Variants in DPYD observed in about 807,000 individuals in gnomAD.
DPYD encodes dihydropyrimidine dehydrogenase [NADP(+)].
In DPYD, 109 loss-of-function variants were observed where a neutral mutation model predicts 116.2. That is an observed-to-expected ratio of 0.94 (90% CI 0.80 to 1.10). The LOEUF (loss-of-function observed/expected upper bound fraction) is 1.10, where lower values mean the gene tolerates loss of function less well. Among genes scored for constraint, DPYD ranks in the 50% least tolerant of loss-of-function variants. The probability of loss-of-function intolerance (pLI) is 0.00; values close to 1 mark genes in which losing one functional copy is unlikely to be tolerated. For missense variants in DPYD, 1,302 were observed against 1,254.5 expected, an observed-to-expected ratio of 1.04 and a Z score of -0.57; for synonymous variants, 440 against 432.0, an observed-to-expected ratio of 1.02 and a Z score of -0.23.
At chr1:97,642,624 C>T (rs1308052878) in intron 8 of DPYD, among the ~76,000 whole-genome samples, 13 of 150,334 alleles carry the variant, frequency 8.6e-5, no homozygotes, top group Non-Finnish European at 7.4e-5. Context: ...AGTAAACTAT[C>T]GCAAGAACAA....
Position 97,098,540 on chromosome 1 carries a change from T to C in DPYD, c.2715A>G (p.Ser905=). Residue 905 remains serine (S), a synonymous_variant, in exon 21 of 23, where the codon TCA becomes TCG. Coordinates refer to ENST00000370192, the MANE Select transcript of DPYD (RefSeq NM_000110.4). The part of the protein sequence containing the change: ...IRLKEQNVAF[S]PLKRNCFIPK... ...GGATAAAACAGTTTCTCTTAAGTGG[T>C]GAAAAAGCTACATTTTGTTCTTTCA... The C allele has an allele frequency of 1.2e-6, 2 of 1,613,218 alleles. No individual in the cohort carries two copies. Among genetic ancestry groups the C allele is most frequent in the Non-Finnish European group, 1.7e-6 (2 of 1,179,496 alleles).
At chr1:97,761,581 G>A (rs1665577891) in intron 3 of DPYD, among the ~76,000 whole-genome samples, 1 of 152,136 alleles carries the variant, frequency 6.6e-6, no homozygotes, top group Non-Finnish European at 1.5e-5. Flanking sequence ...TGCTGGGAGT[G>A]TAAATTGTTC....
intron 11 of DPYD, among the ~76,000 whole-genome samples, chr1:97,561,181 T>A (rs1652117914): frequency 6.6e-6 from 1 of 152,222 alleles, no homozygotes; most frequent in African/African-American, 2.4e-5. Flanking sequence ...TAGGATTATA[T>A]GGAAGTGAGA....
At chr1:97,190,949 G>T (rs144575821) in intron 20 of DPYD, among the ~76,000 whole-genome samples, 1 of 152,138 alleles carries the variant, frequency 6.6e-6, no homozygotes, top group African/African-American at 2.4e-5. Flanking sequence ...TCTACAAAGG[G>T]TCTACATTTT....
chr1:97,404,999 T>C (rs575874758), intron 14 of DPYD, among the ~76,000 whole-genome samples: 189 of 151,516 alleles, frequency 1.2e-3, no homozygotes, highest in Non-Finnish European at 2.1e-3. Context: ...GTTTACAATA[T>C]ACATCTATAG....
intron 14 of DPYD, among the ~76,000 whole-genome samples, chr1:97,405,530 T>G (rs1437115148): frequency 6.6e-6 from 1 of 152,166 alleles, no homozygotes; most frequent in East Asian, 1.9e-4. Flanking sequence ...TTGTTTGTTT[T>G]TTTGAGACAG....
At chr1:97,502,772 C>A (rs1025691175) in intron 13 of DPYD, among the ~76,000 whole-genome samples, 1 of 151,946 alleles carries the variant, frequency 6.6e-6, no homozygotes, top group Admixed American at 6.6e-5. Flanking sequence ...GTCTGGCATA[C>A]AGATTATGGT....
chr1:97,640,691 T>C (rs1303592203), intron 8 of DPYD, among the ~76,000 whole-genome samples: 1 of 152,148 alleles, frequency 6.6e-6, no homozygotes, highest in Non-Finnish European at 1.5e-5. Context: ...CTTGAGGGCT[T>C]TCCCTGAAAG....
rs544401423 is a variant in DPYD, at chr1:97,704,792, G to A, written c.484-5245C>T. Among the ~76,000 whole-genome samples the A allele has an allele frequency of 2.0e-5, 3 of 151,916 alleles. No individual in the cohort carries two copies. In the South Asian group the frequency reaches 6.2e-4, roughly 32 times the overall value. On this transcript the variant is annotated intron_variant, in intron 5 of 22. Transcript: ENST00000370192. The stretch of plus-strand genomic sequence containing the variant: ...AGCAAATGTCAGTTGTCCATCAACT[G>A]ACTAATATTCTATGATTTAATTTTT...
At chr1:97,801,124 T>A (rs1330373323) in intron 3 of DPYD, among the ~76,000 whole-genome samples, 1 of 151,744 alleles carries the variant, frequency 6.6e-6, no homozygotes, top group Non-Finnish European at 1.5e-5. Flanking sequence ...GGTAATGAGG[T>A]CATGATGGTG....
Position 97,079,113 on chromosome 1 carries a change from T to G in DPYD, c.2941A>C (p.Thr981Pro), listed in dbSNP as rs759562628. 1 of 1,613,596 alleles carries G rather than the reference T, an allele frequency of 6.2e-7. No homozygotes were observed. The highest frequency in any genetic ancestry group is 1.1e-5 in the South Asian group (1 of 91,064). ...IQFDPETHLP[T>P]ITDTCTGCTL... is the part of the protein sequence containing the mutation. ...CAGCCTGTACAAGTGTCGGTTATGG[T>G]GGGCAGGTGGGTTTCTGGATCAAAC... Residue 981 changes from threonine to proline, a missense_variant, in exon 23 of 23, where the codon ACC (threonine) becomes CCC (proline). Transcript: ENST00000370192.
intron 1 of DPYD, among the ~76,000 whole-genome samples, chr1:97,908,719 G>A (rs1229201275): frequency 3.3e-5 from 5 of 151,934 alleles, no homozygotes; most frequent in Non-Finnish European, 5.9e-5. Context: ...CTTTACCTCT[G>A]ACAACATTCC....
chr1:97,603,088 A>G (rs1392306656), intron 8 of DPYD, among the ~76,000 whole-genome samples: 1 of 151,744 alleles, frequency 6.6e-6, no homozygotes, highest in Admixed American at 6.6e-5. Flanking sequence ...GGCTTTTGCT[A>G]TAAAACAATT....
chr1:97,290,571 A>C (rs1187892411), intron 18 of DPYD, among the ~76,000 whole-genome samples: 4 of 152,198 alleles, frequency 2.6e-5, no homozygotes, highest in Admixed American at 2.0e-4. Context: ...ACCTGACAAA[A>C]ACAAGAAATA....
intron 11 of DPYD, among the ~76,000 whole-genome samples, chr1:97,571,523 T>C (rs1250890930): frequency 6.6e-6 from 1 of 151,872 alleles, no homozygotes; most frequent in African/African-American, 2.4e-5. Flanking sequence ...CACTGAAGTC[T>C]GGGCAAAGTG....
At position 97,699,973 on chromosome 1, in the gene DPYD, C is replaced by T. The variant is rs183965152; in HGVS notation, c.484-426G>A. ...CCTTGCATTATAGGAGTTAGCATTG[C>T]GATGGCACACGGTAGACATTTAATA... On this transcript the variant is annotated intron_variant, in intron 5 of 22. Coordinates refer to ENST00000370192, the MANE Select transcript of DPYD (RefSeq NM_000110.4). Among the ~76,000 whole-genome samples the T allele has an allele frequency of 4.0e-4, 61 of 152,172 alleles. 1 individual carries two copies. The highest frequency in any genetic ancestry group is 3.7e-3 in the Admixed American group (57 of 15,264).
intron 14 of DPYD, among the ~76,000 whole-genome samples, chr1:97,445,918 G>A (rs533489798): frequency 6.6e-6 from 1 of 152,000 alleles, no homozygotes; most frequent in South Asian, 2.1e-4. Flanking sequence ...GTAGAGACGG[G>A]GTTTCACCAT....
chr1:97,327,716 TATA>T (rs1200592605), intron 16 of DPYD, among the ~76,000 whole-genome samples: 1 of 152,032 alleles, frequency 6.6e-6, no homozygotes, highest in Non-Finnish European at 1.5e-5. Context: ...ATATATTTCA[TATA>T]ATAATTTATA....
At chr1:97,471,793 T>C (rs1677675942) in intron 13 of DPYD, among the ~76,000 whole-genome samples, 1 of 152,104 alleles carries the variant, frequency 6.6e-6, no homozygotes, top group South Asian at 2.1e-4. Context: ...TTTCACCATG[T>C]TGGCCACCCT....
Sources: gnomAD v4.1 joint callset for allele counts (sites outside exome capture counted in the v4.1 genomes callset) on GRCh38, gnomAD v4.1.1 for gene constraint, MANE v1.5 for transcripts, NCBI Gene and HGNC (gene_info 2026-07-23, HGNC 2026-07-21) for gene names.